Variants in PDS5B observed in about 807,000 individuals in gnomAD.
PDS5B encodes the protein PDS5 cohesin associated factor B, also known as sister chromatid cohesion protein PDS5 homolog B.
In PDS5B, 51 loss-of-function variants were observed where a neutral mutation model predicts 184.1. That is an observed-to-expected ratio of 0.28 (90% CI 0.22 to 0.35). The LOEUF (loss-of-function observed/expected upper bound fraction) is 0.35. PDS5B is among the 10% of genes least tolerant of loss of function. The pLI is 1.00. For missense variants in PDS5B, 1,180 were observed against 1,723.3 expected (o/e 0.68, Z 5.58); for synonymous variants, 566 against 569.2 (o/e 0.99, Z 0.08).
intron 19 of PDS5B, among the ~76,000 whole-genome samples, chr13:32,710,731 C>T (rs1414998115): frequency 6.6e-6 from 1 of 152,206 alleles, no homozygotes; most frequent in Non-Finnish European, 1.5e-5. Context: ...GGTTCTGATA[C>T]TGGCGTAGTC....
intron 2 of PDS5B, among the ~76,000 whole-genome samples, chr13:32,650,903 C>T (rs1950351749): frequency 6.6e-6 from 1 of 152,148 alleles, no homozygotes; most frequent in Admixed American, 6.5e-5. Flanking sequence ...GTGGCCAGCC[C>T]CACTTGTTGC....
At chr13:32,608,458 T>C (rs2058094650) in intron 1 of PDS5B, among the ~76,000 whole-genome samples, 1 of 152,182 alleles carries the variant, frequency 6.6e-6, no homozygotes, top group Non-Finnish European at 1.5e-5. Context: ...TTAAGAGATT[T>C]ATTACAGTGA....
At chr13:32,645,238 C>G (rs1950188254) in intron 1 of PDS5B, among the ~76,000 whole-genome samples, 1 of 152,204 alleles carries the variant, frequency 6.6e-6, no homozygotes, top group South Asian at 2.1e-4. Context: ...CTGCCTCAGC[C>G]TTCCAAAGTG....
chr13:32,624,426 A>G (rs2058343224), intron 1 of PDS5B, among the ~76,000 whole-genome samples: 1 of 151,932 alleles, frequency 6.6e-6, no homozygotes, highest in South Asian at 2.1e-4. Context: ...CTGTCCATTG[A>G]GGTTTTGAAA....
intron 11 of PDS5B, among the ~76,000 whole-genome samples, chr13:32,685,895 C>T (rs192258053): frequency 3.7e-4 from 56 of 152,264 alleles, no homozygotes; most frequent in African/African-American, 1.2e-3. Context: ...CCACCTCGGC[C>T]TCCCAAAGTG....
chr13:32,761,749 T>C (rs1954407490), intron 30 of PDS5B, among the ~76,000 whole-genome samples: 1 of 152,222 alleles, frequency 6.6e-6, no homozygotes, highest in African/African-American at 2.4e-5. Context: ...ATATTGTGAA[T>C]AGTGCTGCAT....
intron 14 of PDS5B, among the ~76,000 whole-genome samples, chr13:32,694,522 G>C (rs1951647658): frequency 6.6e-6 from 1 of 151,866 alleles, no homozygotes; most frequent in African/African-American, 2.4e-5. Flanking sequence ...CAACATTACA[G>C]AGAGTGTGGG....
chr13:32,623,812 T>G (rs1445657629), intron 1 of PDS5B, among the ~76,000 whole-genome samples: 1 of 152,126 alleles, frequency 6.6e-6, no homozygotes, highest in African/African-American at 2.4e-5. Flanking sequence ...CTATTCCTTT[T>G]TTTTGCTTTG....
At chr13:32,688,412 C>G in intron 12 of PDS5B, 44 bp from the exon 13 acceptor site, 1 of 951,334 alleles carries the variant, frequency 1.1e-6, no homozygotes, top group Non-Finnish European at 1.6e-6. Flanking sequence ...AACTTTAGAA[C>G]ATTAGAAAAA....
chr13:32,666,768 G>T (rs1464020709), intron 6 of PDS5B, among the ~76,000 whole-genome samples: 3 of 152,122 alleles, frequency 2.0e-5, no homozygotes, highest in Admixed American at 1.3e-4. Context: ...CTTACTGTGG[G>T]TTTATTGAGA....
chr13:32,673,106 C>A, intron 7 of PDS5B, 110 bp from the exon 8 acceptor site: 1 of 901,096 alleles, frequency 1.1e-6, no homozygotes, highest in Non-Finnish European at 1.8e-6. Flanking sequence ...TTTGATATGC[C>A]TAGTTTGACT....
chr13:32,765,464 T>C (rs534829790), intron 31 of PDS5B, among the ~76,000 whole-genome samples: 2 of 152,356 alleles, frequency 1.3e-5, no homozygotes, highest in South Asian at 4.1e-4. Context: ...ATAATTACTT[T>C]TACTTTCTCT....
intron 1 of PDS5B, among the ~76,000 whole-genome samples, chr13:32,606,684 C>T (rs1444627366): frequency 6.6e-6 from 1 of 152,184 alleles, no homozygotes; most frequent in Non-Finnish European, 1.5e-5. Context: ...TTCCATGCTG[C>T]CTGTCACTTT....
chr13:32,614,985 C>T (rs2058196941), intron 1 of PDS5B, among the ~76,000 whole-genome samples: 1 of 152,138 alleles, frequency 6.6e-6, no homozygotes, highest in Non-Finnish European at 1.5e-5. Flanking sequence ...ACAAAGTAAA[C>T]ACAAGTTTAT....
intron 19 of PDS5B, among the ~76,000 whole-genome samples, chr13:32,726,571 A>G (rs1453007522): frequency 6.6e-6 from 1 of 152,178 alleles, no homozygotes; most frequent in Non-Finnish European, 1.5e-5. Context: ...CTGCTTCCCC[A>G]CAGCCTTGCC....
chr13:32,608,761 G>C (rs926284247), intron 1 of PDS5B, among the ~76,000 whole-genome samples: 1 of 152,168 alleles, frequency 6.6e-6, no homozygotes, highest in African/African-American at 2.4e-5. Context: ...CTGGTCCCAG[G>C]ATTATTTGGA....
In PDS5B at chr13:32,608,010, G is replaced by A. The variant is rs548673526; in HGVS notation, c.-20+21417G>A. ...AATTCCCCAACGCCTTGCGCTTCCC[G>A]GGTGAGGTGATGCCCTGCCCTGCTC... On this transcript the variant is annotated intron_variant, in intron 1 of 34. Transcript: ENST00000315596. Among the ~76,000 whole-genome samples the A allele has an allele frequency of 1.0e-3, 156 of 152,250 alleles. 1 individual carries two copies. Among genetic ancestry groups the A allele is most frequent in the Middle Eastern group, 3.4e-3 (1 of 294 alleles).
intron 26 of PDS5B, 36 bp downstream of exon 26, chr13:32,755,992 A>G: frequency 3.8e-6 from 4 of 1,046,382 alleles, no homozygotes; most frequent in East Asian, 2.4e-5. Context: ...ATATTTTCTG[A>G]AAGTTATTTT....
chr13:32,663,954 A>G (rs1325945313), intron 6 of PDS5B, among the ~76,000 whole-genome samples: 1 of 152,142 alleles, frequency 6.6e-6, no homozygotes, highest in African/African-American at 2.4e-5. Context: ...TCCACTTATA[A>G]ATGAGAACAC....
Sources: allele counts gnomAD v4.1 joint callset (sites outside exome capture counted in the v4.1 genomes callset), GRCh38; gene constraint gnomAD v4.1.1; transcripts MANE v1.5; gene names NCBI Gene and HGNC (gene_info 2026-07-23, HGNC 2026-07-21).